The following NRXN1 variants were observed in gnomAD, a reference collection of about 807,000 sequenced individuals.
NRXN1 encodes neurexin 1.
In NRXN1, 39 loss-of-function variants were observed where a neutral mutation model predicts 150.9. The observed-to-expected ratio is 0.26, with a 90% CI of 0.20 to 0.34. The LOEUF is 0.34. Among genes scored for constraint, NRXN1 ranks in the 10% least tolerant of loss-of-function variants. The pLI is 1.00. For missense variants in NRXN1, 1,815 were observed against 1,949.9 expected (o/e 0.93, Z 1.30); for synonymous variants, 924 against 757.0 (o/e 1.22, Z -3.62).
chr2:50,920,489 C>T (rs1685856057), intron 5 of NRXN1, among the ~76,000 whole-genome samples: 3 of 151,702 alleles, frequency 2.0e-5, no homozygotes, highest in African/African-American at 7.3e-5. Flanking sequence ...TGTATTTATA[C>T]ATGCATCCAT....
chr2:50,988,448 C>T (rs1698048585), intron 2 of NRXN1, among the ~76,000 whole-genome samples: 1 of 151,966 alleles, frequency 6.6e-6, no homozygotes, highest in South Asian at 2.1e-4. Flanking sequence ...AATAAGAATG[C>T]CAATTTTGTT....
chr2:50,328,693 G>A lies in NRXN1; in HGVS notation c.3365-91723C>T, dbSNP rs1386081712. ...AGAGGTTGCAGTGAGCCGAGATCGT[G>A]TCACTGAACTCCAGCCCAGGCAACA... On this transcript the variant is annotated intron_variant, in intron 17 of 22. Coordinates refer to ENST00000401669, the MANE Select transcript of NRXN1 (RefSeq NM_001330078.2). Among the ~76,000 whole-genome samples the A allele has an allele frequency of 5.3e-5, 8 of 152,202 alleles. No individual in the cohort carries two copies. The East Asian group carries it at 1.5e-3, about 29-fold the overall frequency.
intron 19 of NRXN1, among the ~76,000 whole-genome samples, chr2:50,079,933 A>G (rs563281969): frequency 6.6e-6 from 1 of 152,264 alleles, no homozygotes; most frequent in South Asian, 2.1e-4. Flanking sequence ...CAGTCTGAAA[A>G]TATTAAATGG....
In NRXN1 at chr2:50,837,174, T is replaced by G. The variant is rs573883160; in HGVS notation, c.832+84695A>C. Among the ~76,000 whole-genome samples the G allele has an allele frequency of 2.0e-5, 3 of 152,240 alleles. No individual in the cohort carries two copies. The East Asian group carries it at 5.8e-4, about 29-fold the overall frequency. On this transcript the variant is annotated intron_variant, in intron 5 of 22. Transcript: ENST00000401669. ...TTTATGTAATTGATGAATGAACCAATGAAAAATGTATAATAATTCTTAAGA... is the reference window on the plus strand; with the variant it reads ...TTTATGTAATTGATGAATGAACCAAGGAAAAATGTATAATAATTCTTAAGA...
chr2:50,905,059 T>C (rs550878687), intron 5 of NRXN1, among the ~76,000 whole-genome samples: 2 of 152,232 alleles, frequency 1.3e-5, no homozygotes, highest in East Asian at 1.9e-4. Flanking sequence ...CCTAATGAAA[T>C]TGTAAATCTA....
At chr2:50,164,035 A>T (rs12468282) in intron 18 of NRXN1, among the ~76,000 whole-genome samples, 1 of 152,102 alleles carries the variant, frequency 6.6e-6, no homozygotes, top group African/African-American at 2.4e-5. Flanking sequence ...ATTGTATTTC[A>T]GTATTGAAAT....
At position 49,991,032 on chromosome 2, in the gene NRXN1, T is replaced by C. The variant is rs562003220; in HGVS notation, c.4129-47241A>G. Among the ~76,000 whole-genome samples the C allele has an allele frequency of 9.1e-4, 138 of 152,128 alleles. 1 individual carries two copies. The highest frequency in any genetic ancestry group is 1.8e-3 in the Non-Finnish European group (119 of 67,988). On this transcript the variant is annotated intron_variant, in intron 21 of 22. Coordinates refer to ENST00000401669, the MANE Select transcript of NRXN1 (RefSeq NM_001330078.2). ...TATAGAGTAAATAATTTACTAAACA[T>C]GCTTAAAATAAATAAATTTGGAAAA... is the stretch of plus-strand genomic sequence containing the variant.
At chr2:50,483,189 A>G (rs923218598) in intron 15 of NRXN1, among the ~76,000 whole-genome samples, 3 of 152,054 alleles carry the variant, frequency 2.0e-5, no homozygotes, top group Admixed American at 2.0e-4. Flanking sequence ...CACCAGTGCC[A>G]TGACAGTTTA....
chr2:50,798,459 C>T (rs533857371), intron 5 of NRXN1, among the ~76,000 whole-genome samples: 104 of 152,216 alleles, frequency 6.8e-4, no homozygotes, highest in East Asian at 1.7e-3. Flanking sequence ...ATATGTGTAT[C>T]TCTGATTCAG....
intron 12 of NRXN1, among the ~76,000 whole-genome samples, chr2:50,512,091 AC>A (rs1464521597): frequency 6.6e-6 from 1 of 152,148 alleles, no homozygotes; most frequent in Admixed American, 6.6e-5. Flanking sequence ...TAAAAAAAAA[AC>A]TTTCCTACAG....
chr2:50,632,730 T>A (rs367615389), intron 5 of NRXN1: 2 of 152,068 alleles, frequency 1.3e-5, no homozygotes, highest in East Asian at 3.9e-4. Flanking sequence ...AAATATATAT[T>A]GATATCATGG....
intron 18 of NRXN1, chr2:50,185,437 C>T (rs1574381937): frequency 6.6e-6 from 1 of 152,114 alleles, no homozygotes; most frequent in East Asian, 1.9e-4. Context: ...GAAGTTCTCT[C>T]CTTCCTGAGC....
rs76712480 is a variant in NRXN1 at position 50,048,041 on chromosome 2, C to T, written c.4128+5230G>A. Among the ~76,000 whole-genome samples the T allele has an allele frequency of 3.5e-3, 527 of 151,960 alleles. 3 individuals are homozygous for T. The highest frequency in any genetic ancestry group is 0.012 in the African/African-American group (505 of 41,432). On this transcript the variant is annotated intron_variant, in intron 21 of 22. Transcript: ENST00000401669. ...TCCAGACCCCAAAGAAAATGCACCA[C>T]GCAGAACTTAAAAAAAATCCTTTAA... is the stretch of plus-strand genomic sequence containing the variant.
At chr2:50,676,880 A>G (rs1689628405) in intron 5 of NRXN1, among the ~76,000 whole-genome samples, 1 of 152,176 alleles carries the variant, frequency 6.6e-6, no homozygotes, top group Non-Finnish European at 1.5e-5. Flanking sequence ...TTTTAAAATT[A>G]CACATAAAAC....
At chr2:49,944,372 T>C (rs1672523141) in intron 21 of NRXN1, among the ~76,000 whole-genome samples, 1 of 152,188 alleles carries the variant, frequency 6.6e-6, no homozygotes, top group African/African-American at 2.4e-5. Context: ...GATTTCACAC[T>C]TGAAGCTCAT....
intron 18 of NRXN1, among the ~76,000 whole-genome samples, chr2:50,175,398 C>T (rs1373091107): frequency 6.6e-6 from 1 of 152,106 alleles, no homozygotes; most frequent in Non-Finnish European, 1.5e-5. Flanking sequence ...TTTGGTTTTC[C>T]TTTCCTTCTG....
intron 17 of NRXN1, among the ~76,000 whole-genome samples, chr2:50,460,955 C>G (rs1481847896): frequency 1.3e-5 from 2 of 151,968 alleles, no homozygotes; most frequent in Non-Finnish European, 2.9e-5. Context: ...CAAATCAGCT[C>G]ACAGCTTAAT....
At chr2:50,492,934 T>TG (rs2104878231) in intron 15 of NRXN1, among the ~76,000 whole-genome samples, 1 of 151,602 alleles carries the variant, frequency 6.6e-6, no homozygotes, top group African/African-American at 2.4e-5. Flanking sequence ...AGATGCCTGT[T>TG]TTCTGTGCAT....
intron 17 of NRXN1, among the ~76,000 whole-genome samples, chr2:50,405,676 G>C (rs1325739265): frequency 6.6e-6 from 1 of 151,932 alleles, no homozygotes; most frequent in African/African-American, 2.4e-5. Context: ...TGGTACAGTG[G>C]GAAGCAAACA....
Sources: gnomAD v4.1 joint callset for allele counts (sites outside exome capture counted in the v4.1 genomes callset) on GRCh38, gnomAD v4.1.1 for gene constraint, MANE v1.5 for transcripts, NCBI Gene and HGNC (gene_info 2026-07-23, HGNC 2026-07-21) for gene names.